The following PLEKHG4B variants were observed in gnomAD, a reference collection of about 807,000 sequenced individuals.
The protein encoded by PLEKHG4B is pleckstrin homology and RhoGEF domain containing G4B.
A neutral mutation model predicts 121.3 loss-of-function variants in PLEKHG4B; 111 were observed. That is an observed-to-expected ratio of 0.92 (90% CI 0.78 to 1.07). PLEKHG4B has a LOEUF of 1.07. PLEKHG4B is among the 50% of genes least tolerant of loss of function. The probability of loss-of-function intolerance (pLI) is 0.00; values close to 1 mark genes in which losing one functional copy is unlikely to be tolerated. For missense variants in PLEKHG4B, 1,831 were observed against 1,757.8 expected, an observed-to-expected ratio of 1.04 and a Z score of -0.74; for synonymous variants, 738 against 725.0, an observed-to-expected ratio of 1.02 and a Z score of -0.29.
intron 2 of PLEKHG4B, among the ~76,000 whole-genome samples, chr5:115,191 G>A (rs1734269501): frequency 6.6e-6 from 1 of 152,212 alleles, no homozygotes; most frequent in Non-Finnish European, 1.5e-5. Flanking sequence ...TTATCTGCTT[G>A]TACATCTTCA....
intron 2 of PLEKHG4B, among the ~76,000 whole-genome samples, chr5:119,761 A>G (rs918487320): frequency 1.3e-5 from 2 of 152,208 alleles, no homozygotes; most frequent in East Asian, 3.8e-4. Context: ...CCACTAGAGA[A>G]GGACCTTCTT....
intron 13 of PLEKHG4B, among the ~76,000 whole-genome samples, chr5:164,680 AGGG>A (rs1326205883): frequency 3.3e-5 from 2 of 59,794 alleles, no homozygotes; most frequent in South Asian, 1.6e-3. Context: ...ATACTCTGAC[AGGG>A]GGCGGAGCTC....
At chr5:148,344 C>CAAAAAAA (rs71590513) in intron 6 of PLEKHG4B, among the ~76,000 whole-genome samples, 1 of 94,328 alleles carries the variant, frequency 1.1e-5, no homozygotes, top group Non-Finnish European at 2.4e-5. Context: ...AACAGTTCCA[C>CAAAAAAA]AAAAAAAAAA....
intron 7 of PLEKHG4B, among the ~76,000 whole-genome samples, chr5:152,208 T>TC (rs1478017854): frequency 6.6e-6 from 1 of 151,178 alleles, no homozygotes; most frequent in Non-Finnish European, 1.5e-5. Flanking sequence ...TTTCTGTCTT[T>TC]TTTTTTTTTT....
intron 3 of PLEKHG4B, among the ~76,000 whole-genome samples, 171 bp downstream of exon 3, chr5:140,887 C>G (rs1258641067): frequency 3.0e-5 from 2 of 67,024 alleles, no homozygotes; most frequent in East Asian, 9.4e-4. Flanking sequence ...CACCCCCACC[C>G]CTTCCGCTGC....
rs1407643860 is a variant in PLEKHG4B, at chr5:162,821, G to A, written c.2749G>A (p.Ala917Thr). Residue 917 changes from alanine (A) to threonine (T), a missense_variant, in exon 13 of 20, where the codon GCA becomes ACA. Transcript: ENST00000637938. ...TCACCAGGAGGCTACCTCGGTGGCTGCAGAGGCCTTCCCCGGGGCAGGTGT... is the reference window on the plus strand; with the variant it reads ...TCACCAGGAGGCTACCTCGGTGGCTACAGAGGCCTTCCCCGGGGCAGGTGT... ...SCHQEATSVA[A>T]EAFPGAGVAV... 1 of 1,510,034 alleles carries A rather than the reference G, an allele frequency of 6.6e-7. No homozygotes were observed. Among genetic ancestry groups the A allele is most frequent in the Non-Finnish European group, 8.9e-7 (1 of 1,129,190 alleles). 93.5% of individuals were successfully genotyped at this position (1,510,034 alleles called of 1,614,324 possible). A position where few individuals can be genotyped will look rare whatever the true frequency, so the allele number is the denominator to read the frequency against.
rs1735278069 is a variant in PLEKHG4B at position 143,076 on chromosome 5, A to AC, written c.1508dup (p.Asp504ArgfsTer88). On this transcript the variant is annotated frameshift_variant, in exon 4 of 20. Coordinates refer to ENST00000637938, the MANE Select transcript of PLEKHG4B (RefSeq NM_052909.5). LOFTEE classifies it high-confidence loss of function. The stretch of plus-strand genomic sequence containing the variant: ...TCTTGCATCCTCAGCCTGTGTCAGC[A>AC]CAGACGGCGGCAGCCTCCATTGCCA... The AC allele has an allele frequency of 3.1e-6, 5 of 1,613,190 alleles. No homozygotes were observed. The highest frequency in any genetic ancestry group is 4.2e-6 in the Non-Finnish European group (5 of 1,179,988).
At chr5:131,299 T>C (rs1241884049) in intron 2 of PLEKHG4B, among the ~76,000 whole-genome samples, 1 of 152,100 alleles carries the variant, frequency 6.6e-6, no homozygotes, top group Non-Finnish European at 1.5e-5. Flanking sequence ...TGTGATATTC[T>C]CCGCCCTGTG....
At chr5:131,158 C>T (rs1316586688) in intron 2 of PLEKHG4B, among the ~76,000 whole-genome samples, 2 of 150,312 alleles carry the variant, frequency 1.3e-5, no homozygotes, top group Admixed American at 6.6e-5. Context: ...ATGTGCACAA[C>T]GTGCAGGTTT....
Position 143,145 on chromosome 5 carries a change from C to G in PLEKHG4B, c.1576C>G (p.Pro526Ala), listed in dbSNP as rs765015394. Residue 526 changes from proline (P) to alanine (A), a missense_variant, in exon 4 of 20, where the codon CCC (proline) becomes GCC (alanine). Physicochemically the swap from Pro to Ala is conservative, Grantham distance 27 (BLOSUM62 -1). Coordinates refer to ENST00000637938, the MANE Select transcript of PLEKHG4B (RefSeq NM_052909.5). ...CGATGTGCCTGCCCGGCAGCCACAC[C>G]CCGAGCAAGAAGGGTGGCCACCCGG... ...PSDVPARQPH[P>A]EQEGWPPGTG... 1 of 1,612,522 alleles carries G rather than the reference C, an allele frequency of 6.2e-7. No individual in the cohort carries two copies. The highest frequency in any genetic ancestry group is 1.3e-5 in the African/African-American group (1 of 74,928).
At position 152,431 on chromosome 5, in the gene PLEKHG4B, G is replaced by A. The variant is rs139869478; in HGVS notation, c.1992+832G>A. Among the ~76,000 whole-genome samples the A allele has an allele frequency of 4.3e-3, 655 of 151,082 alleles. 5 individuals carry two copies. The highest frequency in any genetic ancestry group is 0.01 in the African/African-American group (417 of 41,050). On this transcript the variant is annotated intron_variant, in intron 7 of 19. Coordinates refer to ENST00000637938, the MANE Select transcript of PLEKHG4B (RefSeq NM_052909.5). ...TTGCTATGTTGCCTAGGCTGGAATC[G>A]AAGTCCCGGCCTTAGGCAGTCCTCC... is the stretch of plus-strand genomic sequence containing the variant.
rs1733678798 is a variant in PLEKHG4B, at chr5:188,121, A to G, written c.*5798A>G. On this transcript the variant is annotated 3_prime_UTR_variant, in exon 20 of 20. Coordinates refer to ENST00000637938, the MANE Select transcript of PLEKHG4B (RefSeq NM_052909.5). ...GAGGACGGATTCTGCTGCCAACCAG[A>G]GGTCCTGGGGCTGGCGGCGCTGGTG... 1 of 152,380 alleles carries G rather than the reference A, an allele frequency of 6.6e-6. No homozygotes were observed. The highest frequency in any genetic ancestry group is 1.5e-5 in the Non-Finnish European group (1 of 68,210). 9.4% of individuals were successfully genotyped at this position (152,380 alleles called of 1,614,324 possible). A position where few individuals can be genotyped will look rare whatever the true frequency, so the allele number is the denominator to read the frequency against.
At chr5:146,894 C>T (rs1366640549) in intron 6 of PLEKHG4B, among the ~76,000 whole-genome samples, 1 of 151,916 alleles carries the variant, frequency 6.6e-6, no homozygotes, top group Non-Finnish European at 1.5e-5. Context: ...TTTCTTCTTA[C>T]TTTCGCAGTA....
Position 92,178 on chromosome 5 carries a change from G to C in PLEKHG4B, c.-54G>C, listed in dbSNP as rs953685610. ...AGGCGGCCTCGGCCCAGTGCACAGC[G>C]GGACCAGGCAGAGTTCGGGGAAAGC... On this transcript the variant is annotated 5_prime_UTR_variant, in exon 1 of 20. Coordinates refer to ENST00000637938, the MANE Select transcript of PLEKHG4B (RefSeq NM_052909.5). 5.4e-6 allele frequency: 2 copies of C among 371,960 alleles called. No individual in the cohort carries two copies. Among genetic ancestry groups the C allele is most frequent in the Non-Finnish European group, 9.6e-6 (2 of 209,400 alleles). 23.0% of individuals were successfully genotyped at this position (371,960 alleles called of 1,614,324 possible).
chr5:135,727 A>G (rs865878117), intron 2 of PLEKHG4B, among the ~76,000 whole-genome samples: 14 of 117,420 alleles, frequency 1.2e-4, no homozygotes, highest in South Asian at 1.1e-3. Flanking sequence ...ATATATATAT[A>G]TGTATGTCAG....
chr5:116,484 G>T (rs1734311151), intron 2 of PLEKHG4B, among the ~76,000 whole-genome samples: 1 of 152,206 alleles, frequency 6.6e-6, no homozygotes, highest in South Asian at 2.1e-4. Context: ...AGCTCAATCA[G>T]CTGGAACACA....
intron 6 of PLEKHG4B, among the ~76,000 whole-genome samples, chr5:150,054 T>G (rs764028698): frequency 2.6e-5 from 4 of 152,224 alleles, no homozygotes; most frequent in African/African-American, 7.2e-5. Context: ...TTTCAGAGAT[T>G]TATACAGCTG....
rs571250427 is a variant in PLEKHG4B, at chr5:143,150, G to A, written c.1581G>A (p.Glu527=). ...TGCCTGCCCGGCAGCCACACCCCGA[G>A]CAAGAAGGGTGGCCACCCGGCACAG... is the stretch of plus-strand genomic sequence containing the variant. ...SDVPARQPHP[E]QEGWPPGTGD... Residue 527 remains glutamate (E), a synonymous_variant, in exon 4 of 20, where the codon GAG becomes GAA. Coordinates refer to ENST00000637938, the MANE Select transcript of PLEKHG4B (RefSeq NM_052909.5). 6.2e-7 allele frequency: 1 copy of A among 1,612,530 alleles called. No homozygotes were observed. The highest frequency in any genetic ancestry group is 8.5e-7 in the Non-Finnish European group (1 of 1,180,006).
intron 11 of PLEKHG4B, among the ~76,000 whole-genome samples, 199 bp from the exon 12 acceptor site, chr5:161,584 T>C (rs1736001328): frequency 6.6e-6 from 1 of 150,516 alleles, no homozygotes; most frequent in Admixed American, 6.6e-5. Flanking sequence ...CCTGTGTAGA[T>C]CAAATCATAG....
Sources: allele counts gnomAD v4.1 joint callset (sites outside exome capture counted in the v4.1 genomes callset), GRCh38; gene constraint gnomAD v4.1.1; transcripts MANE v1.5; gene names NCBI Gene and HGNC (gene_info 2026-07-23, HGNC 2026-07-21).